The following IKZF5 variants were observed in gnomAD, a reference collection of about 807,000 sequenced individuals.
The protein encoded by IKZF5 is zinc finger protein Pegasus.
In IKZF5, 4 loss-of-function variants were observed where a neutral mutation model predicts 30.7. The ratio of observed to expected loss-of-function variants is 0.13; its 90% CI spans 0.06 to 0.30. IKZF5 has a LOEUF of 0.30. IKZF5 is among the 10% of genes least tolerant of loss of function. IKZF5 has a pLI of 1.00. For synonymous variants in IKZF5, 148 were observed against 179.6 expected (o/e 0.82, Z 1.41); for missense variants, 348 against 525.5 (o/e 0.66, Z 3.30).
In IKZF5 at chr10:123,008,694, C is replaced by G. The variant is rs1564743058; in HGVS notation, c.-198G>C. 6 of 471,932 alleles carry G rather than the reference C, an allele frequency of 1.3e-5. No individual in the cohort carries two copies. The highest frequency in any genetic ancestry group is 2.4e-5 in the Non-Finnish European group (6 of 254,818). The allele number at this position is 471,932 out of a possible 1,614,324, so 29.2% of individuals were successfully genotyped here. ...TCCGAGCCGGCAGCCTGCTACTTAC[C>G]TCCTGACAACTGCATGGAGTAAACC... On this transcript the variant is annotated splice_region_variant and 5_prime_UTR_variant, in exon 1 of 5. Coordinates refer to ENST00000368886, the MANE Select transcript of IKZF5 (RefSeq NM_001372123.1).
At chr10:123,003,661 G>GA (rs1849681434) in intron 2 of IKZF5, among the ~76,000 whole-genome samples, 1 of 152,142 alleles carries the variant, frequency 6.6e-6, no homozygotes, top group Non-Finnish European at 1.5e-5. Flanking sequence ...GTAGCAAATA[G>GA]AAAAAATGGT....
chr10:122,999,351 G>A lies in IKZF5; in HGVS notation c.-46-680C>T, dbSNP rs143276099. On this transcript the variant is annotated intron_variant, in intron 2 of 4. Coordinates refer to ENST00000368886, the MANE Select transcript of IKZF5 (RefSeq NM_001372123.1). ...AGCTGCATGCAGCTAGTAACTACCAGCAAAGGCTCTTAAGACATAGTGTTC... is the reference window on the plus strand; with the variant it reads ...AGCTGCATGCAGCTAGTAACTACCAACAAAGGCTCTTAAGACATAGTGTTC... Among the ~76,000 whole-genome samples, 3 of 64,158 alleles carry A rather than the reference G, an allele frequency of 4.7e-5. No homozygotes were observed. In the East Asian group the frequency reaches 7.0e-4, roughly 15 times the overall value. 42.1% of individuals were successfully genotyped at this position (64,158 alleles called of 152,430 possible). A position where few individuals can be genotyped will look rare whatever the true frequency, so the allele number is the denominator to read the frequency against.
chr10:123,003,243 TGG>T (rs376944719), intron 2 of IKZF5, among the ~76,000 whole-genome samples: 44 of 71,350 alleles, frequency 6.2e-4, no homozygotes, highest in Non-Finnish European at 8.3e-4. Context: ...CAGACTTTTG[TGG>T]GGGGGGGGGT....
At chr10:122,999,174 A>G (rs1849496458) in intron 2 of IKZF5, among the ~76,000 whole-genome samples, 1 of 152,212 alleles carries the variant, frequency 6.6e-6, no homozygotes, top group Non-Finnish European at 1.5e-5. Flanking sequence ...AACCTGGTTG[A>G]CAAAAGGAGA....
intron 1 of IKZF5, among the ~76,000 whole-genome samples, 162 bp from the exon 2 acceptor site, chr10:123,007,338 T>C (rs957456964): frequency 7.2e-5 from 11 of 152,200 alleles, no homozygotes; most frequent in African/African-American, 2.7e-4. Flanking sequence ...AAGCAGTAGC[T>C]TCACTTCAGC....
intron 2 of IKZF5, among the ~76,000 whole-genome samples, chr10:122,999,543 A>C (rs1183821530): frequency 1.3e-5 from 2 of 152,250 alleles, no homozygotes; most frequent in African/African-American, 4.8e-5. Context: ...AGCCACAGAC[A>C]GTATGTAAAC....
intron 2 of IKZF5, among the ~76,000 whole-genome samples, chr10:123,000,082 G>T (rs913742807): frequency 6.6e-6 from 1 of 152,130 alleles, no homozygotes; most frequent in Non-Finnish European, 1.5e-5. Context: ...TTGAAGTCTT[G>T]TACATATATA....
At chr10:122,995,920 G>T in intron 4 of IKZF5, 74 bp downstream of exon 4, 1 of 1,429,210 alleles carries the variant, frequency 7.0e-7, no homozygotes, top group South Asian at 1.2e-5. Flanking sequence ...CTATTTCTAT[G>T]ACAAACCAAC....
intron 1 of IKZF5, among the ~76,000 whole-genome samples, chr10:123,007,705 G>C (rs1344243802): frequency 6.6e-6 from 1 of 152,150 alleles, no homozygotes; most frequent in African/African-American, 2.4e-5. Flanking sequence ...TGGACCGCTA[G>C]GGGAAAATAA....
At chr10:122,997,586 A>G (rs1186477832) in intron 3 of IKZF5, 4 of 152,368 alleles carry the variant, frequency 2.6e-5, no homozygotes, top group African/African-American at 9.6e-5. Context: ...CCCTGCTGCT[A>G]GTCCCTGCAT....
chr10:122,998,476 T>A lies in IKZF5; in HGVS notation c.133+17A>T. ...GTATAAAAAGTGAATTACTTAGTAGTATTAAAATGAGTCTACCTCCCTGAA... is the reference window on the plus strand; with the variant it reads ...GTATAAAAAGTGAATTACTTAGTAGAATTAAAATGAGTCTACCTCCCTGAA... On this transcript the variant is annotated intron_variant, in intron 3 of 4. Transcript: ENST00000368886. 2 of 1,600,072 alleles carry A rather than the reference T, an allele frequency of 1.2e-6. No individual in the cohort carries two copies. Among genetic ancestry groups the A allele is most frequent in the Non-Finnish European group, 1.7e-6 (2 of 1,173,300 alleles).
chr10:123,002,300 C>T (rs999615035), intron 2 of IKZF5, among the ~76,000 whole-genome samples: 1 of 151,794 alleles, frequency 6.6e-6, no homozygotes, highest in Non-Finnish European at 1.5e-5. Flanking sequence ...GGGTGGATCA[C>T]GAGGTCAAGA....
chr10:123,002,803 A>AC (rs1379403943), intron 2 of IKZF5, among the ~76,000 whole-genome samples: 3 of 151,678 alleles, frequency 2.0e-5, no homozygotes, highest in Non-Finnish European at 2.9e-5. Context: ...AAAAAAAAAA[A>AC]ACCAAAACAT....
At chr10:123,006,705 G>A (rs1849801074) in intron 2 of IKZF5, among the ~76,000 whole-genome samples, 1 of 152,110 alleles carries the variant, frequency 6.6e-6, no homozygotes, top group South Asian at 2.1e-4. Flanking sequence ...TATGGGTAAG[G>A]CAGGCCTATA....
chr10:123,006,991 G>C (rs1849814597), intron 2 of IKZF5, 35 bp downstream of exon 2: 1 of 152,198 alleles, frequency 6.6e-6, no homozygotes. Flanking sequence ...AAACCATGTT[G>C]AAAGAAATCC....
rs937913195 is a variant in IKZF5 at position 122,992,955 on chromosome 10, G to A, written c.*825C>T. Reference sequence around the variant, plus strand: ...AGGATGACTTCACTTTATCTCTTTGGTCATCAAAGGAATAGGAAGAATAAG... The same window carrying A: ...AGGATGACTTCACTTTATCTCTTTGATCATCAAAGGAATAGGAAGAATAAG... On this transcript the variant is annotated 3_prime_UTR_variant, in exon 5 of 5. Transcript: ENST00000368886. 5.9e-5 allele frequency: 9 copies of A among 152,516 alleles called. No individual in the cohort carries two copies. Among genetic ancestry groups the A allele is most frequent in the African/African-American group, 2.2e-4 (9 of 41,408 alleles). The allele number at this position is 152,516 out of a possible 1,614,324, so 9.4% of individuals were successfully genotyped here. A position where few individuals can be genotyped will look rare whatever the true frequency, so the allele number is the denominator to read the frequency against.
chr10:123,005,850 GTT>G (rs1384572522), intron 2 of IKZF5, among the ~76,000 whole-genome samples: 2 of 152,152 alleles, frequency 1.3e-5, no homozygotes, highest in Admixed American at 1.3e-4. Context: ...AGAAATAAAT[GTT>G]TGTTTAAACC....
At chr10:123,000,880 C>T (rs938110134) in intron 2 of IKZF5, among the ~76,000 whole-genome samples, 10 of 152,058 alleles carry the variant, frequency 6.6e-5, no homozygotes, top group African/African-American at 2.2e-4. Flanking sequence ...CTGCTCATAC[C>T]TTTTGCTTAT....
At chr10:122,996,441 G>C (rs1849375308) in intron 3 of IKZF5, among the ~76,000 whole-genome samples, 1 of 151,552 alleles carries the variant, frequency 6.6e-6, no homozygotes, top group East Asian at 1.9e-4. Context: ...TGTAATCCCA[G>C]AACTTTGGGA....
Sources: allele counts gnomAD v4.1 joint callset (sites outside exome capture counted in the v4.1 genomes callset), GRCh38; gene constraint gnomAD v4.1.1; transcripts MANE v1.5; gene names NCBI Gene and HGNC (gene_info 2026-07-23, HGNC 2026-07-21).